Variants in CTTNBP2NL observed in about 807,000 individuals in gnomAD.
CTTNBP2NL encodes CTTNBP2 N-terminal like.
Under a neutral mutation model 32.5 loss-of-function variants are expected in CTTNBP2NL, and 16 were observed. That is an observed-to-expected ratio of 0.49 (90% CI 0.33 to 0.75). CTTNBP2NL has a LOEUF of 0.75. Among genes scored for constraint, CTTNBP2NL ranks in the 30% least tolerant of loss-of-function variants. The pLI is 0.02. For missense variants in CTTNBP2NL, 645 were observed against 756.0 expected, an observed-to-expected ratio of 0.85 and a Z score of 1.72; for synonymous variants, 298 against 289.4, an observed-to-expected ratio of 1.03 and a Z score of -0.30.
chr1:112,440,687 C>G (rs1300289379), intron 3 of CTTNBP2NL, among the ~76,000 whole-genome samples: 1 of 152,182 alleles, frequency 6.6e-6, no homozygotes, highest in Non-Finnish European at 1.5e-5. Context: ...ATTACTCAAT[C>G]AGCTAACATA....
At chr1:112,391,965 T>G (rs1393250453), upstream of CTTNBP2NL, among the ~76,000 whole-genome samples, 1 of 151,204 alleles carries the variant, frequency 6.6e-6, no homozygotes, top group Non-Finnish European at 1.5e-5. Flanking sequence ...CACTCCAGTC[T>G]GGGCAACAGA....
chr1:112,430,182 TTTTC>T (rs1161941868), intron 3 of CTTNBP2NL, among the ~76,000 whole-genome samples: 1 of 90,204 alleles, frequency 1.1e-5, no homozygotes, highest in Non-Finnish European at 2.5e-5. Flanking sequence ...TTTTCTTTTC[TTTTC>T]TTTTCTTTTC....
In CTTNBP2NL at chr1:112,456,995, C is replaced by T; in HGVS notation, c.1503C>T (p.Ala501=). ...LIDNSAAKQL[A]RNTVTQVLSR... is the part of the protein sequence containing the mutation. ...ACAACTCTGCCGCCAAGCAGCTGGC[C>T]CGAAACACAGTCACTCAGGTGCTCT... The change falls in exon 6 of 6, where the codon GCC becomes GCT. Residue 501 remains alanine (A), a synonymous_variant. Transcript: ENST00000271277. The T allele has an allele frequency of 6.2e-7, 1 of 1,614,108 alleles. No homozygotes were observed. The highest frequency in any genetic ancestry group is 8.5e-7 in the Non-Finnish European group (1 of 1,180,030).
chr1:112,454,638 A>G (rs1650313604), intron 5 of CTTNBP2NL, 82 bp downstream of exon 5: 2 of 1,033,514 alleles, frequency 1.9e-6, no homozygotes, highest in South Asian at 1.3e-5. Context: ...GCCAACTGGT[A>G]TTGTTCAGAA....
chr1:112,414,363 C>G (rs1011851557), intron 2 of CTTNBP2NL, among the ~76,000 whole-genome samples: 8 of 151,922 alleles, frequency 5.3e-5, no homozygotes, highest in African/African-American at 1.7e-4. Context: ...GACTCCATCT[C>G]AAAAAAAGAA....
chr1:112,393,331 C>T (rs890459535), upstream of CTTNBP2NL, among the ~76,000 whole-genome samples: 5 of 152,154 alleles, frequency 3.3e-5, no homozygotes, highest in East Asian at 9.6e-4. Flanking sequence ...CCCAAACCAG[C>T]AATAAACATT....
At chr1:112,448,549 CAGAGGTT>C (rs1475773301) in intron 3 of CTTNBP2NL, among the ~76,000 whole-genome samples, 1 of 152,042 alleles carries the variant, frequency 6.6e-6, no homozygotes, top group Non-Finnish European at 1.5e-5. Flanking sequence ...TCAGTAAGCA[CAGAGGTT>C]AAGGACACAG....
chr1:112,394,559 G>C (rs1485889241), upstream of CTTNBP2NL, among the ~76,000 whole-genome samples: 1 of 152,192 alleles, frequency 6.6e-6, no homozygotes. Flanking sequence ...CCTTTCTGAA[G>C]TTCAGTATAC....
chr1:112,393,344 T>C (rs1017615613), upstream of CTTNBP2NL, among the ~76,000 whole-genome samples: 1 of 152,176 alleles, frequency 6.6e-6, no homozygotes, highest in Non-Finnish European at 1.5e-5. Context: ...TAAACATTTA[T>C]GGAAATTTAC....
At chr1:112,425,890 A>C (rs1649378237) in intron 3 of CTTNBP2NL, among the ~76,000 whole-genome samples, 1 of 150,114 alleles carries the variant, frequency 6.7e-6, no homozygotes, top group Non-Finnish European at 1.5e-5. Context: ...TTTCCATTGG[A>C]TTTTCTACAG....
In CTTNBP2NL at chr1:112,451,784, A is replaced by AAAAC. The variant is rs577640692; in HGVS notation, c.330+2612_330+2613insAAAC. ...GACTGTCTCAAAAAAAAAAAAAAAA[A>AAAAC]CACAAAACAAACAAACAAAAAAACA... On this transcript the variant is annotated intron_variant, in intron 4 of 5. Coordinates refer to ENST00000271277, the MANE Select transcript of CTTNBP2NL (RefSeq NM_018704.3). 3.5e-5 allele frequency among the ~76,000 whole-genome samples: 5 copies of AAAAC among 144,166 alleles called. 2 individuals are homozygous for AAAAC. Among genetic ancestry groups the AAAAC allele is most frequent in the Non-Finnish European group, 7.6e-5 (5 of 66,112 alleles). The allele number at this position is 144,166 out of a possible 152,430, so 94.6% of individuals were successfully genotyped here. A position where few individuals can be genotyped will look rare whatever the true frequency, so the allele number is the denominator to read the frequency against.
intron 1 of CTTNBP2NL, among the ~76,000 whole-genome samples, chr1:112,406,899 A>G (rs1277987775): frequency 1.3e-5 from 2 of 152,230 alleles, no homozygotes; most frequent in African/African-American, 2.4e-5. Context: ...GCTTAATTAT[A>G]GAGCTGATCT....
At chr1:112,399,128 G>C (rs1648419966) in intron 1 of CTTNBP2NL, among the ~76,000 whole-genome samples, 1 of 151,788 alleles carries the variant, frequency 6.6e-6, no homozygotes, top group South Asian at 2.1e-4. Flanking sequence ...GACCAGCCTG[G>C]CCAACATGAT....
In CTTNBP2NL at chr1:112,456,898, A is replaced by G; in HGVS notation, c.1406A>G (p.Gln469Arg). Residue 469 changes from glutamine to arginine, a missense_variant, in exon 6 of 6, where the codon CAA becomes CGA. By Grantham distance (43) the Gln-to-Arg change is conservative (BLOSUM62 1). Transcript: ENST00000271277. ...GCAGCTCGCCACAAATTTCAGTCCC[A>G]AGCAGATCAGGACCAACAAGCCAGT... ...FHAARHKFQS[Q>R]ADQDQQASGL... 1.2e-6 allele frequency: 2 copies of G among 1,614,064 alleles called. No individual in the cohort carries two copies. The highest frequency in any genetic ancestry group is 2.2e-5 in the South Asian group (2 of 91,074).
chr1:112,457,220 A>G lies in CTTNBP2NL; in HGVS notation c.1728A>G (p.Arg576=), dbSNP rs762754187. 6.2e-7 allele frequency: 1 copy of G among 1,614,140 alleles called. No homozygotes were observed. Among genetic ancestry groups the G allele is most frequent in the East Asian group, 2.2e-5 (1 of 44,876 alleles). Residue 576 remains arginine (R), a synonymous_variant, in exon 6 of 6, where the codon AGA becomes AGG. Coordinates refer to ENST00000271277, the MANE Select transcript of CTTNBP2NL (RefSeq NM_018704.3). ...CCCCAACCATCCCCAGAGCTGAGAG[A>G]GGAAACCCTCCACCCATCCCACCCA... is the stretch of plus-strand genomic sequence containing the variant. The part of the protein sequence containing the change: ...IKSPTIPRAE[R]GNPPPIPPKK...
intron 1 of CTTNBP2NL, among the ~76,000 whole-genome samples, chr1:112,402,487 C>T (rs561456345): frequency 6.6e-6 from 1 of 152,088 alleles, no homozygotes; most frequent in South Asian, 2.1e-4. Flanking sequence ...TGTTTTAACA[C>T]GAGATAAGAA....
chr1:112,443,258 G>A (rs1322685834), intron 3 of CTTNBP2NL, among the ~76,000 whole-genome samples: 2 of 152,164 alleles, frequency 1.3e-5, no homozygotes, highest in Admixed American at 6.5e-5. Context: ...CTATCACCGA[G>A]GCTGGAGTGC....
intron 3 of CTTNBP2NL, among the ~76,000 whole-genome samples, chr1:112,440,111 G>A (rs1237158672): frequency 6.6e-6 from 1 of 152,160 alleles, no homozygotes; most frequent in Non-Finnish European, 1.5e-5. Context: ...ACAGTACCCA[G>A]CAAACATTAA....
At chr1:112,404,818 G>A (rs1376866707) in intron 1 of CTTNBP2NL, among the ~76,000 whole-genome samples, 1 of 152,198 alleles carries the variant, frequency 6.6e-6, no homozygotes, top group Non-Finnish European at 1.5e-5. Context: ...TTGGGAGGCC[G>A]AGGTGGGCGG....
Sources: gnomAD v4.1 joint callset for allele counts (sites outside exome capture counted in the v4.1 genomes callset) on GRCh38, gnomAD v4.1.1 for gene constraint, MANE v1.5 for transcripts, NCBI Gene and HGNC (gene_info 2026-07-23, HGNC 2026-07-21) for gene names.